Variants in SAMSN1 observed in about 807,000 individuals in gnomAD.
The protein encoded by SAMSN1 is SAM domain-containing protein SAMSN-1.
A neutral mutation model predicts 42.0 loss-of-function variants in SAMSN1; 31 were observed. That is an observed-to-expected ratio of 0.74 (90% confidence interval 0.55 to 1.00). SAMSN1 has a LOEUF of 1.00. SAMSN1 is among the 50% of genes least tolerant of loss of function. The pLI is 0.00. For missense variants in SAMSN1, 464 were observed against 439.4 expected, an observed-to-expected ratio of 1.06 and a Z score of -0.50; for synonymous variants, 178 against 151.9, an observed-to-expected ratio of 1.17 and a Z score of -1.26.
chr21:14,587,539 A>G (rs192334380), upstream of SAMSN1, among the ~76,000 whole-genome samples: 11 of 152,040 alleles, frequency 7.2e-5, no homozygotes, highest in South Asian at 4.2e-4. Flanking sequence ...AAATTTTGAA[A>G]TTACTTAAGG....
At chr21:14,576,103 C>T (rs1981453137) in intron 2 of SAMSN1, among the ~76,000 whole-genome samples, 2 of 152,134 alleles carry the variant, frequency 1.3e-5, no homozygotes, top group African/African-American at 4.8e-5. Flanking sequence ...GACCTGTGTG[C>T]ATCTGGTTAG....
intron 2 of SAMSN1, among the ~76,000 whole-genome samples, chr21:14,636,850 C>A (rs1983480882): frequency 6.6e-6 from 1 of 151,900 alleles, no homozygotes; most frequent in South Asian, 2.1e-4. Context: ...GGCGACAGAG[C>A]GAGATTCCGT....
intron 7 of SAMSN1, among the ~76,000 whole-genome samples, chr21:14,488,227 A>G (rs941436458): frequency 8.5e-5 from 13 of 152,162 alleles, no homozygotes; most frequent in Admixed American, 6.5e-4. Context: ...CTTAGTCATA[A>G]TGATTGTGGG....
intron 1 of SAMSN1, among the ~76,000 whole-genome samples, chr21:14,523,960 A>G (rs2822726): frequency 0.18 from 26,817 of 152,164 alleles, 2,661 homozygotes; most frequent in East Asian, 0.29. Context: ...TAATTACTCA[A>G]TAGCTTTATG....
At chr21:14,572,818 G>C (rs1448739167) in intron 2 of SAMSN1, among the ~76,000 whole-genome samples, 1 of 152,144 alleles carries the variant, frequency 6.6e-6, no homozygotes, top group African/African-American at 2.4e-5. Context: ...GTAAAGGTAA[G>C]TTACTAGCCT....
At chr21:14,614,855 C>T (rs1186723462) in intron 3 of SAMSN1, among the ~76,000 whole-genome samples, 1 of 152,064 alleles carries the variant, frequency 6.6e-6, no homozygotes, top group African/African-American at 2.4e-5. Flanking sequence ...AAGGAGTCTT[C>T]AATTTTATTT....
intron 1 of SAMSN1, among the ~76,000 whole-genome samples, chr21:14,649,461 AT>A (rs1343867163): frequency 6.6e-6 from 1 of 152,170 alleles, no homozygotes; most frequent in Non-Finnish European, 1.5e-5. Context: ...TATGAAAAAA[AT>A]AAATTAATTA....
chr21:14,497,362 A>G (rs1292523762), intron 7 of SAMSN1, among the ~76,000 whole-genome samples: 1 of 152,180 alleles, frequency 6.6e-6, no homozygotes, highest in East Asian at 1.9e-4. Flanking sequence ...TGAGAGGCCA[A>G]GATGGGCGGA....
At chr21:14,587,931 A>G (rs1425686047), upstream of SAMSN1, among the ~76,000 whole-genome samples, 16 of 107,686 alleles carry the variant, frequency 1.5e-4, no homozygotes, top group Admixed American at 6.7e-4. Flanking sequence ...AGAGTGTGAT[A>G]TTCCCCTTCC....
At chr21:14,489,129 TG>T (rs1487024865) in intron 7 of SAMSN1, among the ~76,000 whole-genome samples, 1 of 152,164 alleles carries the variant, frequency 6.6e-6, no homozygotes, top group East Asian at 1.9e-4. Context: ...AGTCCCTTCA[TG>T]TGGCCATGAA....
At chr21:14,544,272 A>G (rs904627318) in intron 1 of SAMSN1, among the ~76,000 whole-genome samples, 3 of 152,170 alleles carry the variant, frequency 2.0e-5, no homozygotes, top group Admixed American at 6.5e-5. Flanking sequence ...ACTGGGCTGG[A>G]ACTCCTGAAC....
chr21:14,529,991 A>G (rs1979136756), intron 1 of SAMSN1, among the ~76,000 whole-genome samples: 1 of 152,206 alleles, frequency 6.6e-6, no homozygotes, highest in Non-Finnish European at 1.5e-5. Context: ...GTAGATTTGT[A>G]TAATTGTTAA....
chr21:14,569,989 C>A lies in SAMSN1; in HGVS notation c.261+12147G>T, dbSNP rs552546169. ...TGTGGTGTCTTTAACCACTTTCCCC[C>A]CCCCCAGTTTTTCACTTGACACCTT... On this transcript the variant is annotated intron_variant, in intron 2 of 8. Transcript: ENST00000285670. Among the ~76,000 whole-genome samples the A allele has an allele frequency of 3.1e-4, 47 of 151,960 alleles. 1 individual carries two copies. The South Asian group carries it at 5.2e-3, about 17-fold the overall frequency.
At chr21:14,606,813 A>G (rs1422769567) in intron 5 of SAMSN1, among the ~76,000 whole-genome samples, 3 of 152,222 alleles carry the variant, frequency 2.0e-5, no homozygotes, top group Non-Finnish European at 4.4e-5. Flanking sequence ...TGCATCTGGA[A>G]CTCAGCTTAT....
chr21:14,573,408 A>G (rs1981362766), intron 2 of SAMSN1, among the ~76,000 whole-genome samples: 1 of 152,308 alleles, frequency 6.6e-6, no homozygotes, highest in Admixed American at 6.5e-5. Flanking sequence ...GTAGCCCTGA[A>G]GTGAATTCAT....
chr21:14,610,408 G>C (rs1431612489), intron 4 of SAMSN1, among the ~76,000 whole-genome samples: 1 of 152,124 alleles, frequency 6.6e-6, no homozygotes, highest in Non-Finnish European at 1.5e-5. Flanking sequence ...CTGGTTCTCT[G>C]CTCTTGAACC....
intron 2 of SAMSN1, among the ~76,000 whole-genome samples, chr21:14,624,094 A>C (rs1484266465): frequency 6.6e-6 from 1 of 152,224 alleles, no homozygotes; most frequent in Non-Finnish European, 1.5e-5. Flanking sequence ...CAAAGACACA[A>C]CATACCAGAA....
upstream of SAMSN1, among the ~76,000 whole-genome samples, chr21:14,588,059 C>G (rs1263830972): frequency 3.6e-5 from 5 of 139,392 alleles, no homozygotes; most frequent in Non-Finnish European, 6.2e-5. Context: ...ATCCATGTCC[C>G]TACAAAGGAC....
At chr21:14,548,022 C>CT (rs1459027630), upstream of SAMSN1, among the ~76,000 whole-genome samples, 1 of 152,118 alleles carries the variant, frequency 6.6e-6, no homozygotes, top group African/African-American at 2.4e-5. Context: ...AGAAATACAT[C>CT]TTTTAGACTT....
Sources: gnomAD v4.1 joint callset for allele counts (sites outside exome capture counted in the v4.1 genomes callset) on GRCh38, gnomAD v4.1.1 for gene constraint, MANE v1.5 for transcripts, NCBI Gene and HGNC (gene_info 2026-07-23, HGNC 2026-07-21) for gene names.